The following MRPS35 variants were observed in gnomAD, a reference collection of about 807,000 sequenced individuals.
MRPS35 encodes mitochondrial ribosomal protein S35, also known as small ribosomal subunit protein mS35.
MRPS35 carries 29 observed loss-of-function variants against 32.7 expected under a neutral mutation model. The ratio of observed to expected loss-of-function variants is 0.89; its 90% CI spans 0.66 to 1.21. The LOEUF (loss-of-function observed/expected upper bound fraction) is 1.21, where lower values mean the gene tolerates loss of function less well. Ranked by LOEUF, MRPS35 falls within the 50% of genes most tolerant of loss-of-function variation. MRPS35 has a pLI of 0.00. For synonymous variants in MRPS35, 148 were observed against 139.3 expected (o/e 1.06, Z -0.44); for missense variants, 373 against 383.8 (o/e 0.97, Z 0.23).
At chr12:27,729,807 A>T (rs1189128327) in intron 5 of MRPS35, among the ~76,000 whole-genome samples, 5 of 151,540 alleles carry the variant, frequency 3.3e-5, no homozygotes, top group Non-Finnish European at 7.3e-5. Context: ...TGAGATCCCT[A>T]CTGTTACTCA....
intron 6 of MRPS35, among the ~76,000 whole-genome samples, chr12:27,737,333 C>T (rs79284143): frequency 0.016 from 2,378 of 152,216 alleles, 72 homozygotes; most frequent in African/African-American, 0.053. Flanking sequence ...AAGAGATACT[C>T]GAAATTAAGT....
At chr12:27,722,382 A>G (rs546311601) in intron 4 of MRPS35, among the ~76,000 whole-genome samples, 13 of 152,358 alleles carry the variant, frequency 8.5e-5, no homozygotes, top group African/African-American at 2.9e-4. Flanking sequence ...TGCTCTACCT[A>G]TCAGATGAGT....
chr12:27,716,674 A>G (rs1366526905), intron 3 of MRPS35, among the ~76,000 whole-genome samples: 3 of 152,226 alleles, frequency 2.0e-5, no homozygotes, highest in African/African-American at 7.2e-5. Context: ...GAATACTCAA[A>G]GAATCCTAGG....
At chr12:27,711,120 C>T (rs1468493982) in intron 1 of MRPS35, among the ~76,000 whole-genome samples, 165 bp downstream of exon 1, 2 of 152,260 alleles carry the variant, frequency 1.3e-5, no homozygotes, top group South Asian at 2.1e-4. Flanking sequence ...GGTCTGTGCT[C>T]TGCACCCGCG....
intron 2 of MRPS35, among the ~76,000 whole-genome samples, chr12:27,715,782 G>A (rs192931995): frequency 6.1e-4 from 93 of 152,258 alleles, no homozygotes; most frequent in Non-Finnish European, 5.0e-4. Context: ...AAATGTTAAT[G>A]TGATTGACTA....
chr12:27,751,144 GA>G (rs941830086), intron 7 of MRPS35, among the ~76,000 whole-genome samples: 1 of 144,996 alleles, frequency 6.9e-6, no homozygotes, highest in Non-Finnish European at 1.5e-5. Context: ...AAAGAAAAAG[GA>G]AAAGAAAAAA....
rs1220027273 is a variant in MRPS35 at position 27,755,348 on chromosome 12, A to G, written c.870A>G (p.Glu290=). The G allele has an allele frequency of 6.2e-7, 1 of 1,610,040 alleles. No homozygotes were observed. The highest frequency in any genetic ancestry group is 8.5e-7 in the Non-Finnish European group (1 of 1,179,250). Residue 290 remains glutamate (E), a synonymous_variant, in exon 8 of 8, where the codon GAA becomes GAG. Coordinates refer to ENST00000081029, the MANE Select transcript of MRPS35 (RefSeq NM_021821.4). The part of the protein sequence containing the change: ...KEELLGTKEI[E]EYKKSVVSLK... ...AGCTCCTTGGTACTAAAGAAATTGA[A>G]GAGTACAAAAAGTCTGTTGTTAGTC...
chr12:27,714,569 C>T (rs551475297), intron 1 of MRPS35, among the ~76,000 whole-genome samples: 21 of 148,608 alleles, frequency 1.4e-4, no homozygotes, highest in Middle Eastern at 3.5e-3. Flanking sequence ...CTGGGTGATA[C>T]GCCGAGACTC....
chr12:27,711,499 TG>T (rs886317473), intron 1 of MRPS35, among the ~76,000 whole-genome samples: 21 of 152,276 alleles, frequency 1.4e-4, no homozygotes, highest in African/African-American at 5.1e-4. Context: ...AGAAGTGCTA[TG>T]TAGGGTGAGA....
intron 3 of MRPS35, among the ~76,000 whole-genome samples, chr12:27,718,611 A>G (rs1469362223): frequency 1.3e-5 from 2 of 152,208 alleles, no homozygotes; most frequent in Non-Finnish European, 2.9e-5. Context: ...CTGCATTTTC[A>G]TTCACACTAT....
chr12:27,711,007 A>G, intron 1 of MRPS35, 52 bp downstream of exon 1: 1 of 1,535,438 alleles, frequency 6.5e-7, no homozygotes, highest in Non-Finnish European at 8.9e-7. Context: ...CAAGAGCGGA[A>G]TACCGGCCTC....
chr12:27,719,971 A>G lies in MRPS35; in HGVS notation c.382+103A>G, dbSNP rs7342317. 9.0e-3 allele frequency: 7,630 copies of G among 851,274 alleles called. 420 individuals carry two copies. The African/African-American group carries it at 0.12, about 13-fold the overall frequency. The allele number at this position is 851,274 out of a possible 1,614,324, so 52.7% of individuals were successfully genotyped here. A position where few individuals can be genotyped will look rare whatever the true frequency, so the allele number is the denominator to read the frequency against. On this transcript the variant is annotated intron_variant, in intron 4 of 7. Coordinates refer to ENST00000081029, the MANE Select transcript of MRPS35 (RefSeq NM_021821.4). ...ATAGCCTTATATTCAAGTTGTTTTC[A>G]GTGAATTGTTACATGTCAAGTCTGC...
At chr12:27,750,212 A>T (rs1055825517) in intron 7 of MRPS35, among the ~76,000 whole-genome samples, 11 of 152,224 alleles carry the variant, frequency 7.2e-5, no homozygotes, top group African/African-American at 2.7e-4. Flanking sequence ...TAGAGGTGTT[A>T]AAAAATATAT....
chr12:27,728,256 T>C (rs2061908163), intron 5 of MRPS35, among the ~76,000 whole-genome samples: 1 of 152,162 alleles, frequency 6.6e-6, no homozygotes, highest in Non-Finnish European at 1.5e-5. Flanking sequence ...TTCATTTGGC[T>C]ACTTTACCAA....
At chr12:27,753,425 A>G (rs1158292738) in intron 7 of MRPS35, among the ~76,000 whole-genome samples, 1 of 152,040 alleles carries the variant, frequency 6.6e-6, no homozygotes, top group Non-Finnish European at 1.5e-5. Flanking sequence ...ACACATCTCC[A>G]ATGCTTTCTT....
At chr12:27,740,362 C>A (rs188388795) in intron 7 of MRPS35, among the ~76,000 whole-genome samples, 1 of 151,574 alleles carries the variant, frequency 6.6e-6, no homozygotes, top group Admixed American at 6.6e-5. Flanking sequence ...TGGCCTCCTG[C>A]GTTCAAGTGA....
intron 4 of MRPS35, among the ~76,000 whole-genome samples, chr12:27,722,229 T>C (rs530736559): frequency 6.6e-6 from 1 of 152,352 alleles, no homozygotes; most frequent in South Asian, 2.1e-4. Flanking sequence ...CTCAGTTTTC[T>C]TTCAAAGTAG....
At chr12:27,747,948 C>T (rs1009003860) in intron 7 of MRPS35, among the ~76,000 whole-genome samples, 2 of 152,204 alleles carry the variant, frequency 1.3e-5, no homozygotes, top group Non-Finnish European at 2.9e-5. Context: ...TTCAGTTGCT[C>T]TGGGCTTCAG....
chr12:27,713,313 T>C (rs570584385), intron 1 of MRPS35, among the ~76,000 whole-genome samples: 74 of 152,252 alleles, frequency 4.9e-4, no homozygotes, highest in African/African-American at 1.7e-3. Context: ...TAGGATAGGA[T>C]AGATGTAGAT....
Sources: gnomAD v4.1 joint callset for allele counts (sites outside exome capture counted in the v4.1 genomes callset) on GRCh38, gnomAD v4.1.1 for gene constraint, MANE v1.5 for transcripts, NCBI Gene and HGNC (gene_info 2026-07-23, HGNC 2026-07-21) for gene names.